Variants in ATP11B observed in about 807,000 individuals in gnomAD.
The protein encoded by ATP11B is ATPase phospholipid transporting 11B (putative).
Under a neutral mutation model 157.8 loss-of-function variants are expected in ATP11B, and 81 were observed. That is an observed-to-expected ratio of 0.51 (90% CI 0.43 to 0.62). ATP11B has a LOEUF of 0.62. Among genes scored for constraint, ATP11B ranks in the 20% least tolerant of loss-of-function variants. The pLI, the probability that ATP11B is intolerant of heterozygous loss-of-function variation, is 0.00. For missense variants in ATP11B, 1,165 were observed against 1,402.2 expected, an observed-to-expected ratio of 0.83 and a Z score of 2.70; for synonymous variants, 451 against 469.4, an observed-to-expected ratio of 0.96 and a Z score of 0.51.
chr3:182,846,298 G>GA (rs78436523), intron 9 of ATP11B, among the ~76,000 whole-genome samples: 2,237 of 137,030 alleles, frequency 0.016, 38 homozygotes, highest in East Asian at 0.039. Context: ...CATATGTCGA[G>GA]AAAAAAAAAA....
At chr3:182,906,786 AAAAAAGAAG>A (rs1399213497) in intron 28 of ATP11B, among the ~76,000 whole-genome samples, 2 of 151,482 alleles carry the variant, frequency 1.3e-5, no homozygotes, top group East Asian at 3.9e-4. Context: ...TTAAAAAAAA[AAAAAAGAAG>A]AAGAAGAAGA....
intron 9 of ATP11B, among the ~76,000 whole-genome samples, chr3:182,847,173 C>T (rs1719599791): frequency 1.3e-5 from 2 of 151,724 alleles, no homozygotes; most frequent in African/African-American, 4.9e-5. Flanking sequence ...GCCTCAGCCT[C>T]CCAAATAGCT....
chr3:182,797,971 T>A (rs988487459), intron 1 of ATP11B, among the ~76,000 whole-genome samples: 1 of 152,074 alleles, frequency 6.6e-6, no homozygotes, highest in African/African-American at 2.4e-5. Flanking sequence ...ATCCTGTCTC[T>A]AGGAAAGAAA....
chr3:182,852,766 C>T (rs1448324058), intron 10 of ATP11B, among the ~76,000 whole-genome samples: 1 of 152,152 alleles, frequency 6.6e-6, no homozygotes, highest in Non-Finnish European at 1.5e-5. Context: ...GGGAGAAAAT[C>T]TTTGTGACTT....
intron 4 of ATP11B, 155 bp downstream of exon 4, chr3:182,829,907 C>G: frequency 1.0e-6 from 1 of 984,040 alleles, no homozygotes; most frequent in Non-Finnish European, 1.2e-6. Context: ...GAATTAGCCA[C>G]TCTGTTATAT....
chr3:182,908,196 C>CTTTTTTTTTTTTTTTT (rs10716562), intron 28 of ATP11B, among the ~76,000 whole-genome samples: 18 of 70,742 alleles, frequency 2.5e-4, no homozygotes, highest in Admixed American at 4.0e-4. Context: ...TTATTATTTT[C>CTTTTTTTTTTTTTTTT]TTTTTTTTTT....
At chr3:182,796,038 A>G (rs1249705052) in intron 1 of ATP11B, among the ~76,000 whole-genome samples, 1 of 152,208 alleles carries the variant, frequency 6.6e-6, no homozygotes, top group Non-Finnish European at 1.5e-5. Context: ...CTTTTATTAC[A>G]GAAACAATGC....
intron 1 of ATP11B, among the ~76,000 whole-genome samples, chr3:182,798,195 A>G (rs1352262020): frequency 6.6e-6 from 1 of 152,220 alleles, no homozygotes; most frequent in East Asian, 1.9e-4. Flanking sequence ...TATCTCACTT[A>G]CTAGACTAGA....
In ATP11B at chr3:182,913,849, C is replaced by T. The variant is rs1724963070; in HGVS notation, c.3319-12C>T. 6.2e-7 allele frequency: 1 copy of T among 1,613,904 alleles called. No individual in the cohort carries two copies. Among genetic ancestry groups the T allele is most frequent in the African/African-American group, 1.3e-5 (1 of 74,916 alleles). On this transcript the variant is annotated splice_polypyrimidine_tract_variant and intron_variant, in intron 28 of 29. Transcript: ENST00000323116. ...TTTAAACAACTGATGTTTTCTGCTT[C>T]ACCTCCCGCAGCTTACTGAAACAAA... is the stretch of plus-strand genomic sequence containing the variant.
intron 1 of ATP11B, among the ~76,000 whole-genome samples, chr3:182,815,231 T>G (rs548995265): frequency 5.9e-5 from 9 of 152,214 alleles, no homozygotes. Flanking sequence ...GTGAAAGTTA[T>G]GTAATACAAA....
chr3:182,883,590 TA>T (rs1204476047), intron 21 of ATP11B, among the ~76,000 whole-genome samples: 1 of 151,928 alleles, frequency 6.6e-6, no homozygotes, highest in Admixed American at 6.5e-5. Flanking sequence ...GCCACATTTT[TA>T]TACGTGTTTT....
intron 10 of ATP11B, among the ~76,000 whole-genome samples, chr3:182,853,902 T>C (rs771854676): frequency 2.9e-4 from 44 of 152,216 alleles, no homozygotes; most frequent in Non-Finnish European, 6.0e-4. Context: ...AAATACTTAA[T>C]ATAAAGCTAC....
intron 1 of ATP11B, among the ~76,000 whole-genome samples, chr3:182,806,793 T>C (rs1716354194): frequency 6.6e-6 from 1 of 152,156 alleles, no homozygotes; most frequent in Non-Finnish European, 1.5e-5. Context: ...ATACTTATTT[T>C]AAAGGTACCC....
At chr3:182,857,683 A>G (rs1449833261) in intron 10 of ATP11B, among the ~76,000 whole-genome samples, 195 bp from the exon 11 acceptor site, 2 of 152,160 alleles carry the variant, frequency 1.3e-5, no homozygotes, top group Non-Finnish European at 1.5e-5. Context: ...ACCTGTGTGC[A>G]CTGGTTCTTT....
At chr3:182,834,474 G>C (rs1718387792) in intron 4 of ATP11B, among the ~76,000 whole-genome samples, 1 of 152,104 alleles carries the variant, frequency 6.6e-6, no homozygotes, top group Non-Finnish European at 1.5e-5. Flanking sequence ...AGTTAGTCCA[G>C]ATATCTATGC....
chr3:182,889,788 A>G (rs1163033859), intron 25 of ATP11B, among the ~76,000 whole-genome samples: 1 of 152,230 alleles, frequency 6.6e-6, no homozygotes, highest in African/African-American at 2.4e-5. Context: ...TTCAAAAATT[A>G]GCTCACACAG....
intron 9 of ATP11B, among the ~76,000 whole-genome samples, chr3:182,845,936 T>C (rs964603901): frequency 6.6e-6 from 1 of 152,248 alleles, no homozygotes; most frequent in African/African-American, 2.4e-5. Flanking sequence ...TTTACTGATA[T>C]CTGAATATAT....
chr3:182,877,915 T>G (rs1722158452), intron 19 of ATP11B, among the ~76,000 whole-genome samples: 1 of 152,140 alleles, frequency 6.6e-6, no homozygotes, highest in African/African-American at 2.4e-5. Flanking sequence ...AAAACCTAAT[T>G]TCATGTGCCT....
chr3:182,801,209 T>G (rs1284208652), intron 1 of ATP11B, among the ~76,000 whole-genome samples: 1 of 152,202 alleles, frequency 6.6e-6, no homozygotes, highest in Non-Finnish European at 1.5e-5. Flanking sequence ...GTCCAAAATT[T>G]AGATGAAATA....
Sources: allele counts gnomAD v4.1 joint callset (sites outside exome capture counted in the v4.1 genomes callset), GRCh38; gene constraint gnomAD v4.1.1; transcripts MANE v1.5; gene names NCBI Gene and HGNC (gene_info 2026-07-23, HGNC 2026-07-21).